GRM3: variants seen among roughly 807,000 people sequenced by gnomAD.
GRM3 encodes the protein metabotropic glutamate receptor 3.
In GRM3, 26 loss-of-function variants were observed where a neutral mutation model predicts 70.5. The observed-to-expected ratio is 0.37, with a 90% confidence interval of 0.27 to 0.51. The LOEUF (loss-of-function observed/expected upper bound fraction) is 0.51. Ranked by LOEUF, GRM3 falls within the 20% of genes least tolerant of loss-of-function variation. The probability of loss-of-function intolerance (pLI) is 0.93; values close to 1 mark genes in which losing one functional copy is unlikely to be tolerated. For missense variants in GRM3, 859 were observed against 1,123.8 expected, an observed-to-expected ratio of 0.76 and a Z score of 3.37; for synonymous variants, 443 against 434.9, an observed-to-expected ratio of 1.02 and a Z score of -0.23.
At chr7:86,646,421 T>C (rs1793474632) in intron 1 of GRM3, among the ~76,000 whole-genome samples, 2 of 152,164 alleles carry the variant, frequency 1.3e-5, no homozygotes, top group African/African-American at 2.4e-5. Flanking sequence ...ATATTTTGAA[T>C]ATACATGCCC....
chr7:86,845,938 T>C (rs1019084366), intron 4 of GRM3, among the ~76,000 whole-genome samples: 5 of 152,296 alleles, frequency 3.3e-5, no homozygotes, highest in East Asian at 1.9e-4. Context: ...ACTTAACTAA[T>C]TTGGCCTTTA....
chr7:86,861,234 A>T (rs1421575054), intron 5 of GRM3, among the ~76,000 whole-genome samples: 1 of 152,164 alleles, frequency 6.6e-6, no homozygotes, highest in East Asian at 1.9e-4. Context: ...TCATTTCTTT[A>T]GTTTAAAAGA....
chr7:86,652,488 G>A (rs1377396435), intron 1 of GRM3, among the ~76,000 whole-genome samples: 1 of 151,868 alleles, frequency 6.6e-6, no homozygotes, highest in Non-Finnish European at 1.5e-5. Flanking sequence ...CCGCCACCAC[G>A]CCCAACTAAT....
At chr7:86,754,598 A>T (rs1408890403) in intron 1 of GRM3, among the ~76,000 whole-genome samples, 1 of 152,182 alleles carries the variant, frequency 6.6e-6, no homozygotes. Flanking sequence ...AAGTTATGGG[A>T]TTAAATAAAA....
chr7:86,691,199 TTC>T (rs944162884), intron 1 of GRM3, among the ~76,000 whole-genome samples: 23 of 152,142 alleles, frequency 1.5e-4, no homozygotes, highest in Non-Finnish European at 2.8e-4. Flanking sequence ...TTTTCATAAT[TTC>T]CACCACTACA....
intron 3 of GRM3, among the ~76,000 whole-genome samples, chr7:86,795,550 G>C (rs2116597568): frequency 6.6e-6 from 1 of 152,086 alleles, no homozygotes; most frequent in Admixed American, 6.5e-5. Context: ...CTGTTCCTGT[G>C]TTAGTTTGCT....
chr7:86,792,748 T>C (rs756792388), intron 3 of GRM3, among the ~76,000 whole-genome samples: 1 of 152,138 alleles, frequency 6.6e-6, no homozygotes, highest in Non-Finnish European at 1.5e-5. Context: ...AAAAGCATGA[T>C]TATTATGGCT....
chr7:86,710,433 T>C (rs1395845573), intron 1 of GRM3, among the ~76,000 whole-genome samples: 1 of 151,176 alleles, frequency 6.6e-6, no homozygotes, highest in Admixed American at 6.6e-5. Context: ...GTTTTATATT[T>C]ACTGGGAAAG....
At chr7:86,707,956 A>G (rs2116147882) in intron 1 of GRM3, among the ~76,000 whole-genome samples, 1 of 152,264 alleles carries the variant, frequency 6.6e-6, no homozygotes, top group South Asian at 2.1e-4. Context: ...TACTGTCATG[A>G]TTCCCACTTT....
chr7:86,802,453 T>C (rs1195184427), intron 3 of GRM3, among the ~76,000 whole-genome samples: 1 of 152,156 alleles, frequency 6.6e-6, no homozygotes, highest in Non-Finnish European at 1.5e-5. Context: ...TATAATGTAA[T>C]TGTTATAATG....
intron 1 of GRM3, among the ~76,000 whole-genome samples, chr7:86,694,511 CA>C (rs1226119828): frequency 0.027 from 1,025 of 37,722 alleles, 18 homozygotes; most frequent in African/African-American, 0.088. Flanking sequence ...GACTCTGTCT[CA>C]AAAAAAAAAA....
In GRM3 at chr7:86,807,790, C is replaced by T. The variant is rs796437332; in HGVS notation, c.1324+20674C>T. 8.5e-5 allele frequency among the ~76,000 whole-genome samples: 13 copies of T among 152,124 alleles called. 1 individual carries two copies. In the East Asian group the frequency reaches 1.4e-3, roughly 16 times the overall value. ...AGAACTTCCAACACTATGTTGAATA[C>T]GAGTGGTGAGAGAGGGCATCCCTGT... On this transcript the variant is annotated intron_variant, in intron 3 of 5. Coordinates refer to ENST00000361669, the MANE Select transcript of GRM3 (RefSeq NM_000840.3).
Position 86,666,261 on chromosome 7 carries a change from T to G in GRM3, c.-141+21389T>G, listed in dbSNP as rs57091236. Among the ~76,000 whole-genome samples the G allele has an allele frequency of 4.3e-3, 661 of 152,122 alleles. 6 individuals carry two copies. The highest frequency in any genetic ancestry group is 0.015 in the African/African-American group (631 of 41,546). On this transcript the variant is annotated intron_variant, in intron 1 of 5. Transcript: ENST00000361669. Reference sequence around the variant, plus strand: ...AAAATGACCTGATTAGCTTCCCTTTTCTCAATATTAACTTCGGAAAATAGC... The same window carrying G: ...AAAATGACCTGATTAGCTTCCCTTTGCTCAATATTAACTTCGGAAAATAGC...
intron 1 of GRM3, among the ~76,000 whole-genome samples, chr7:86,735,261 TC>T (rs570004807): frequency 1.7e-4 from 26 of 152,168 alleles, no homozygotes; most frequent in Non-Finnish European, 3.5e-4. Context: ...GCTGTAGATC[TC>T]CACACTCCTC....
At chr7:86,696,381 G>A (rs919498846) in intron 1 of GRM3, among the ~76,000 whole-genome samples, 2 of 152,104 alleles carry the variant, frequency 1.3e-5, no homozygotes, top group Non-Finnish European at 2.9e-5. Context: ...GGGGGATGAG[G>A]CCATATGCTA....
intron 1 of GRM3, among the ~76,000 whole-genome samples, chr7:86,655,849 TGTGGGTGG>T (rs777488520): frequency 6.9e-6 from 1 of 144,634 alleles, no homozygotes; most frequent in African/African-American, 2.7e-5. Context: ...TGTGTGTGTG[TGTGGGTGG>T]GTGGGTGTGT....
At chr7:86,811,615 C>T (rs1299774744) in intron 3 of GRM3, among the ~76,000 whole-genome samples, 1 of 151,718 alleles carries the variant, frequency 6.6e-6, no homozygotes, top group Non-Finnish European at 1.5e-5. Flanking sequence ...CGCTGAGAGG[C>T]TTTCAAAGAG....
Position 86,834,005 on chromosome 7 carries a change from C to A in GRM3, c.1325-4834C>A, listed in dbSNP as rs1487147722. Reference sequence around the variant, plus strand: ...AAAGTAGCATTTGTTTATTCACCACCCACTTTTCAAGCAGTTGTTCCAATA... The same window carrying A: ...AAAGTAGCATTTGTTTATTCACCACACACTTTTCAAGCAGTTGTTCCAATA... On this transcript the variant is annotated intron_variant, in intron 3 of 5. Transcript: ENST00000361669. Among the ~76,000 whole-genome samples, 3 of 152,056 alleles carry A rather than the reference C, an allele frequency of 2.0e-5. No homozygotes were observed. The East Asian group carries it at 5.8e-4, about 29-fold the overall frequency.
At chr7:86,783,121 GAACCCAGTTAAC>G (rs1413801574) in intron 2 of GRM3, among the ~76,000 whole-genome samples, 1 of 152,114 alleles carries the variant, frequency 6.6e-6, no homozygotes, top group East Asian at 1.9e-4. Context: ...AATGAGACAG[GAACCCAGTTAAC>G]AACTACCTGG....
Sources: allele counts gnomAD v4.1 joint callset (sites outside exome capture counted in the v4.1 genomes callset), GRCh38; gene constraint gnomAD v4.1.1; transcripts MANE v1.5; gene names NCBI Gene and HGNC (gene_info 2026-07-23, HGNC 2026-07-21).